Variants in FGF14 observed in about 807,000 individuals in gnomAD.
FGF14 encodes the protein fibroblast growth factor 14, also known as fibroblast growth factor homologous factor 4.
Under a neutral mutation model 25.5 loss-of-function variants are expected in FGF14, and 5 were observed. The observed-to-expected ratio is 0.20, with a 90% CI of 0.10 to 0.41. The LOEUF (loss-of-function observed/expected upper bound fraction) is 0.41. Among genes scored for constraint, FGF14 ranks in the 10% least tolerant of loss-of-function variants. The pLI is 1.00. For missense variants in FGF14, 222 were observed against 320.1 expected, an observed-to-expected ratio of 0.69 and a Z score of 2.34; for synonymous variants, 138 against 118.3, an observed-to-expected ratio of 1.17 and a Z score of -1.08.
rs1439292473 is a variant in FGF14, at chr13:102,166,924, C to T, written c.208+234547G>A. 5.9e-5 allele frequency among the ~76,000 whole-genome samples: 9 copies of T among 152,012 alleles called. No individual in the cohort carries two copies. In the East Asian group the frequency reaches 1.4e-3, roughly 23 times the overall value. ...CAGTGACTTTATAGAACATAACTAC[C>T]ATGAATATCAAGAATTGGCTGTTTG... On this transcript the variant is annotated intron_variant, in intron 1 of 4. Coordinates refer to the FGF14 transcript ENST00000376131.
At chr13:101,933,416 T>C (rs978868123) in intron 1 of FGF14, among the ~76,000 whole-genome samples, 4 of 152,156 alleles carry the variant, frequency 2.6e-5, no homozygotes, top group African/African-American at 4.8e-5. Context: ...TTCTACAGAA[T>C]TACTGTTATT....
At chr13:101,782,298 T>G (rs2039547292) in intron 3 of FGF14, among the ~76,000 whole-genome samples, 1 of 152,240 alleles carries the variant, frequency 6.6e-6, no homozygotes, top group South Asian at 2.1e-4. Flanking sequence ...TACATCAAAT[T>G]TACTATTTTC....
At chr13:101,810,708 G>A (rs971407219) in intron 3 of FGF14, among the ~76,000 whole-genome samples, 1 of 152,182 alleles carries the variant, frequency 6.6e-6, no homozygotes, top group Non-Finnish European at 1.5e-5. Context: ...CCTCAAGGGA[G>A]CTCTTTCTTT....
At chr13:102,318,071 T>C (rs1383308253) in intron 1 of FGF14, among the ~76,000 whole-genome samples, 2 of 152,186 alleles carry the variant, frequency 1.3e-5, no homozygotes, top group African/African-American at 4.8e-5. Flanking sequence ...AAACTGATAA[T>C]GGTATCTGGC....
intron 1 of FGF14, among the ~76,000 whole-genome samples, chr13:101,923,056 T>C (rs550153837): frequency 1.3e-5 from 2 of 152,166 alleles, no homozygotes; most frequent in Non-Finnish European, 2.9e-5. Flanking sequence ...ATGAAAGAAA[T>C]AAAAACACTT....
intron 3 of FGF14, among the ~76,000 whole-genome samples, chr13:101,840,153 A>G (rs1350268523): frequency 1.3e-5 from 2 of 152,150 alleles, no homozygotes; most frequent in East Asian, 3.9e-4. Flanking sequence ...ATGATATTTC[A>G]AATATGCTGT....
chr13:101,904,819 T>A (rs997691940), intron 1 of FGF14, among the ~76,000 whole-genome samples: 1 of 152,222 alleles, frequency 6.6e-6, no homozygotes, highest in African/African-American at 2.4e-5. Flanking sequence ...AAAAAATGTG[T>A]CAGTTCAGCA....
At chr13:102,200,468 A>T (rs1473875962) in intron 1 of FGF14, among the ~76,000 whole-genome samples, 1 of 152,172 alleles carries the variant, frequency 6.6e-6, no homozygotes, top group African/African-American at 2.4e-5. Flanking sequence ...CACCATAAAA[A>T]ATGCTCCCCA....
chr13:102,064,212 T>G (rs771963857), intron 1 of FGF14, among the ~76,000 whole-genome samples: 3 of 152,052 alleles, frequency 2.0e-5, no homozygotes, highest in Non-Finnish European at 4.4e-5. Context: ...TGGACAGTAT[T>G]TTCTGTCCCA....
At chr13:102,026,357 A>C (rs950656478) in intron 1 of FGF14, among the ~76,000 whole-genome samples, 2 of 151,598 alleles carry the variant, frequency 1.3e-5, no homozygotes, top group African/African-American at 4.8e-5. Context: ...TTTCATTAAA[A>C]TTTTTTTCAT....
intron 1 of FGF14, among the ~76,000 whole-genome samples, chr13:102,224,874 T>C (rs1378943876): frequency 6.6e-6 from 1 of 152,168 alleles, no homozygotes; most frequent in African/African-American, 2.4e-5. Flanking sequence ...TCTAAGTTGG[T>C]GCACTGAACT....
intron 3 of FGF14, among the ~76,000 whole-genome samples, chr13:101,831,898 G>A (rs9585789): frequency 0.035 from 5,315 of 152,130 alleles, 309 homozygotes; most frequent in African/African-American, 0.12. Flanking sequence ...GAAATAAGCT[G>A]CCAATATTGG....
chr13:102,176,376 A>G (rs1054879470), intron 1 of FGF14, among the ~76,000 whole-genome samples: 1 of 152,132 alleles, frequency 6.6e-6, no homozygotes, highest in Non-Finnish European at 1.5e-5. Context: ...ATGGGTACAC[A>G]TGAATAGAAA....
rs2047712784 is a variant in FGF14 at position 102,161,632 on chromosome 13, AAGAAGAAGAAGAAGAAGAAGAAG to A, written c.208+239816_208+239838del. ...GAAGAAGAAGAAGAAGAAGAAGAAG[AAGAAGAAGAAGAAGAAGAAGAAG>A]AAGAAGAAGAAGAAGAAGAAGAAGA... On this transcript the variant is annotated intron_variant, in intron 1 of 4. Transcript: ENST00000376131. Among the ~76,000 whole-genome samples the A allele has an allele frequency of 3.0e-3, 36 of 12,124 alleles. 1 individual carries two copies. The highest frequency in any genetic ancestry group is 0.013 in the African/African-American group (31 of 2,444). The allele number at this position is 12,124 out of a possible 152,430, so 8.0% of individuals were successfully genotyped here.
chr13:102,096,001 G>A (rs9557802), intron 1 of FGF14, among the ~76,000 whole-genome samples: 25,185 of 134,770 alleles, frequency 0.19, 3,803 homozygotes, highest in African/African-American at 0.46. Flanking sequence ...GTGTGTGTGT[G>A]TATATATATA....
chr13:101,807,279 TTTAAC>T (rs1262146692), intron 3 of FGF14, among the ~76,000 whole-genome samples: 3 of 152,246 alleles, frequency 2.0e-5, no homozygotes, highest in Admixed American at 6.5e-5. Flanking sequence ...GCATCAGTAC[TTTAAC>T]TTATTTCTTG....
rs772144858 is a variant in FGF14, at chr13:101,827,924, T to TA, written c.408+40800dup. 3.0e-3 allele frequency among the ~76,000 whole-genome samples: 346 copies of TA among 116,416 alleles called. 3 individuals carry two copies. The highest frequency in any genetic ancestry group is 4.1e-3 in the African/African-American group (134 of 33,014). The allele number at this position is 116,416 out of a possible 152,430, so 76.4% of individuals were successfully genotyped here. A position where few individuals can be genotyped will look rare whatever the true frequency, so the allele number is the denominator to read the frequency against. On this transcript the variant is annotated intron_variant, in intron 3 of 4. Transcript: ENST00000376143. The stretch of plus-strand genomic sequence containing the variant: ...CTTCAAATCAAATGTGGCTAATTTC[T>TA]AAAAAAAAAAAAAAAGAAAGAAAAA...
chr13:101,800,001 T>C (rs1316374046), intron 3 of FGF14, among the ~76,000 whole-genome samples: 1 of 152,144 alleles, frequency 6.6e-6, no homozygotes, highest in Non-Finnish European at 1.5e-5. Context: ...ATAGAAGGAA[T>C]GTCGATTTTT....
Position 101,715,129 on chromosome 13 carries a change from C to T in FGF14, c.*7702G>A, listed in dbSNP as rs1270838131. The T allele has an allele frequency of 1.2e-5, 2 of 166,646 alleles. No individual in the cohort carries two copies. Among genetic ancestry groups the T allele is most frequent in the African/African-American group, 4.8e-5 (2 of 41,692 alleles). The allele number at this position is 166,646 out of a possible 1,614,324, so 10.3% of individuals were successfully genotyped here. A position where few individuals can be genotyped will look rare whatever the true frequency, so the allele number is the denominator to read the frequency against. ...AGCTCTAGCTGAAGGTAAAAGATGA[C>T]TCTTTGTGTGTCATTAAGTTAGACC... On this transcript the variant is annotated 3_prime_UTR_variant, in exon 5 of 5. Transcript: ENST00000376143.
Sources: allele counts gnomAD v4.1 joint callset (sites outside exome capture counted in the v4.1 genomes callset), GRCh38; gene constraint gnomAD v4.1.1; transcripts MANE v1.5; gene names NCBI Gene and HGNC (gene_info 2026-07-23, HGNC 2026-07-21).